SEMA4F: variants seen among roughly 807,000 people sequenced by gnomAD.
The protein encoded by SEMA4F is semaphorin-4F.
A neutral mutation model predicts 78.4 loss-of-function variants in SEMA4F; 51 were observed. That is an observed-to-expected ratio of 0.65 (90% confidence interval 0.52 to 0.82). The LOEUF is 0.82. Among genes scored for constraint, SEMA4F ranks in the 40% least tolerant of loss-of-function variants. The pLI, the probability that SEMA4F is intolerant of heterozygous loss-of-function variation, is 0.00. For missense variants in SEMA4F, 938 were observed against 1,014.4 expected (o/e 0.92, Z 1.02); for synonymous variants, 418 against 408.7 (o/e 1.02, Z -0.27).
At chr2:74,661,794 A>C (rs1320958172) in intron 4 of SEMA4F, among the ~76,000 whole-genome samples, 1 of 152,198 alleles carries the variant, frequency 6.6e-6, no homozygotes, top group East Asian at 1.9e-4. Context: ...ATATATATCG[A>C]TATTTCTGCA....
chr2:74,675,649 T>C lies in SEMA4F; in HGVS notation c.1482+15T>C. ...AATTGTACCACGTGAGTTGTAGATT[T>C]TGGAGAGTCTATTGGGGAGACATCT... On this transcript the variant is annotated intron_variant, in intron 11 of 13. Coordinates refer to ENST00000357877, the MANE Select transcript of SEMA4F (RefSeq NM_004263.5). 1 of 1,613,650 alleles carries C rather than the reference T, an allele frequency of 6.2e-7. No individual in the cohort carries two copies.
At chr2:74,689,964 AC>A in the SEMA4F span, among the ~76,000 whole-genome samples, 2 of 152,228 alleles carry the variant, frequency 1.3e-5, no homozygotes, top group African/African-American at 2.4e-5. Context: ...CCAGTTCTTC[AC>A]TGGCTTTAGC....
the SEMA4F span, among the ~76,000 whole-genome samples, chr2:74,696,337 A>G: frequency 6.6e-6 from 1 of 151,958 alleles, no homozygotes. Flanking sequence ...CTGGGACTAC[A>G]GGTGCCTGCC....
At chr2:74,709,305 G>A in the SEMA4F span, among the ~76,000 whole-genome samples, 17 of 152,130 alleles carry the variant, frequency 1.1e-4, no homozygotes, top group African/African-American at 2.9e-4. Context: ...GAGGCCAGAG[G>A]GAGGCATCAC....
intron 4 of SEMA4F, among the ~76,000 whole-genome samples, chr2:74,659,783 T>C (rs536776630): frequency 2.8e-4 from 43 of 152,340 alleles, no homozygotes; most frequent in Non-Finnish European, 4.4e-4. Flanking sequence ...GAACCTCTCA[T>C]GTCCTAGACT....
At position 74,654,468 on chromosome 2, in the gene SEMA4F, C is replaced by A; in HGVS notation, c.92C>A (p.Pro31Gln). ...PLLLLAVLSG[P>Q]VSGRVPRSVP... Reference sequence around the variant, plus strand: ...CTGCTGCTGGCGGTGCTGAGCGGCCCGGTATCCGGCCGCGTCCCCCGCTCG... The same window carrying A: ...CTGCTGCTGGCGGTGCTGAGCGGCCAGGTATCCGGCCGCGTCCCCCGCTCG... The change falls in exon 1 of 14, where the codon CCG becomes CAG. Residue 31 changes from proline to glutamine, a missense_variant. By Grantham distance (76) the Pro-to-Gln change is moderately conservative. Transcript: ENST00000357877. 1 of 1,574,498 alleles carries A rather than the reference C, an allele frequency of 6.4e-7. No homozygotes were observed. Among genetic ancestry groups the A allele is most frequent in the East Asian group, 2.5e-5 (1 of 40,712 alleles).
intron 4 of SEMA4F, among the ~76,000 whole-genome samples, 185 bp from the exon 5 acceptor site, chr2:74,662,547 A>G (rs1306728620): frequency 6.6e-6 from 1 of 152,144 alleles, no homozygotes; most frequent in Non-Finnish European, 1.5e-5. Context: ...CAGAGATGAG[A>G]AATGCAGGAG....
chr2:74,679,253 A>G (rs376222389), intron 12 of SEMA4F, 23 bp from the exon 13 acceptor site: 9 of 1,590,548 alleles, frequency 5.7e-6, no homozygotes, highest in Non-Finnish European at 7.8e-6. Context: ...CACTGGATTT[A>G]CCAAGCATTC....
the SEMA4F span, among the ~76,000 whole-genome samples, chr2:74,700,036 G>A: frequency 6.6e-6 from 1 of 152,144 alleles, no homozygotes; most frequent in South Asian, 2.1e-4. Flanking sequence ...TGAGGTGGAA[G>A]ATATGAGGAG....
At chr2:74,707,430 C>T in the SEMA4F span, among the ~76,000 whole-genome samples, 1 of 151,658 alleles carries the variant, frequency 6.6e-6, no homozygotes, top group Admixed American at 6.6e-5. Context: ...ATATTAACGA[C>T]TGGTAAATCT....
In SEMA4F at chr2:74,681,398, T is replaced by A. The variant is rs1685608498; in HGVS notation, c.*1189T>A. ...TAACAAAGTTAAAGGACCACTGCCC[T>A]GAGGTTACTGCACTGAGGCCAAGTT... On this transcript the variant is annotated 3_prime_UTR_variant, in exon 14 of 14. Coordinates refer to ENST00000357877, the MANE Select transcript of SEMA4F (RefSeq NM_004263.5). 1 of 152,726 alleles carries A rather than the reference T, an allele frequency of 6.5e-6. No individual in the cohort carries two copies. The allele number at this position is 152,726 out of a possible 1,614,324, so 9.5% of individuals were successfully genotyped here.
chr2:74,678,441 G>T (rs1003520372), intron 12 of SEMA4F, among the ~76,000 whole-genome samples: 29 of 152,156 alleles, frequency 1.9e-4, no homozygotes, highest in Admixed American at 1.1e-3. Flanking sequence ...TTTTACCCAA[G>T]AAATTTCCAT....
intron 3 of SEMA4F, 98 bp from the exon 4 acceptor site, chr2:74,657,755 A>G: frequency 2.9e-6 from 4 of 1,382,016 alleles, no homozygotes; most frequent in Non-Finnish European, 4.1e-6. Context: ...ATCACCCATC[A>G]TCTCTGATCC....
At position 74,680,212 on chromosome 2, in the gene SEMA4F, C is replaced by G; in HGVS notation, c.*3C>G. The G allele has an allele frequency of 6.4e-7, 1 of 1,556,460 alleles. No homozygotes were observed. Among genetic ancestry groups the G allele is most frequent in the Non-Finnish European group, 8.7e-7 (1 of 1,146,918 alleles). On this transcript the variant is annotated 3_prime_UTR_variant, in exon 14 of 14. Coordinates refer to ENST00000357877, the MANE Select transcript of SEMA4F (RefSeq NM_004263.5). ...CATGTGATGAAACATCCATCTAGAGCTGGGCAAATGACCACTAGTGTATAA... is the reference window on the plus strand; with the variant it reads ...CATGTGATGAAACATCCATCTAGAGGTGGGCAAATGACCACTAGTGTATAA...
chr2:74,666,527 C>CT (rs1573240792), intron 5 of SEMA4F, among the ~76,000 whole-genome samples: 1 of 151,916 alleles, frequency 6.6e-6, no homozygotes, highest in Admixed American at 6.6e-5. Flanking sequence ...TGTGGAAACT[C>CT]TATGTCTCTA....
At chr2:74,676,059 C>A in intron 12 of SEMA4F, 150 bp downstream of exon 12, 1 of 807,846 alleles carries the variant, frequency 1.2e-6, no homozygotes, top group African/African-American at 1.7e-5. Flanking sequence ...GTCCTTCTGT[C>A]AGTCCATACT....
intron 5 of SEMA4F, among the ~76,000 whole-genome samples, chr2:74,664,922 T>C (rs1171631761): frequency 1.3e-5 from 2 of 152,180 alleles, no homozygotes; most frequent in African/African-American, 4.8e-5. Context: ...TTTCCAAACA[T>C]ATAACTCTTT....
chr2:74,689,256 T>C, the SEMA4F span, among the ~76,000 whole-genome samples: 1 of 152,218 alleles, frequency 6.6e-6, no homozygotes, highest in East Asian at 1.9e-4. Flanking sequence ...TTTTGTCTTT[T>C]GTGTATATCA....
Position 74,677,946 on chromosome 2 carries a change from A to G in SEMA4F, c.1644-1330A>G, listed in dbSNP as rs900622429. Among the ~76,000 whole-genome samples the G allele has an allele frequency of 5.3e-5, 8 of 152,324 alleles. No individual in the cohort carries two copies. In the East Asian group the frequency reaches 1.5e-3, roughly 29 times the overall value. ...CATAACATTTAATTTTGTTTTTCTG[A>G]TATTTGTCATGAATTATAAGTGTAA... On this transcript the variant is annotated intron_variant, in intron 12 of 13. Coordinates refer to ENST00000357877, the MANE Select transcript of SEMA4F (RefSeq NM_004263.5).
Sources: gnomAD v4.1 joint callset for allele counts (sites outside exome capture counted in the v4.1 genomes callset) on GRCh38, gnomAD v4.1.1 for gene constraint, MANE v1.5 for transcripts, NCBI Gene and HGNC (gene_info 2026-07-23, HGNC 2026-07-21) for gene names.